Variants in ADHFE1 observed in about 807,000 individuals in gnomAD.
ADHFE1 encodes the protein alcohol dehydrogenase iron containing 1.
A neutral mutation model predicts 54.8 loss-of-function variants in ADHFE1; 37 were observed. That is an observed-to-expected ratio of 0.68 (90% confidence interval 0.52 to 0.89). The LOEUF is 0.89. ADHFE1 is among the 40% of genes least tolerant of loss of function. The pLI is 0.00. For synonymous variants in ADHFE1, 203 were observed against 229.3 expected, an observed-to-expected ratio of 0.89 and a Z score of 1.04; for missense variants, 601 against 591.2, an observed-to-expected ratio of 1.02 and a Z score of -0.17.
intron 12 of ADHFE1, among the ~76,000 whole-genome samples, chr8:66,457,489 A>T (rs1193504041): frequency 6.6e-6 from 1 of 151,702 alleles, no homozygotes; most frequent in Non-Finnish European, 1.5e-5. Context: ...CAAAAAAAAA[A>T]AAAAGAACCA....
At chr8:66,440,340 T>C (rs1190800631) in intron 2 of ADHFE1, 141 bp downstream of exon 2, 1 of 756,724 alleles carries the variant, frequency 1.3e-6, no homozygotes, top group Non-Finnish European at 2.2e-6. Flanking sequence ...CACTGTGAAA[T>C]TGATAACACG....
intron 10 of ADHFE1, among the ~76,000 whole-genome samples, chr8:66,454,774 C>T (rs1806486466): frequency 1.3e-5 from 2 of 151,556 alleles, no homozygotes; most frequent in Non-Finnish European, 2.9e-5. Flanking sequence ...AGTGCGATGG[C>T]GCAGTCTTGG....
At chr8:66,455,690 G>A (rs185243306) in intron 10 of ADHFE1, among the ~76,000 whole-genome samples, 59 of 152,348 alleles carry the variant, frequency 3.9e-4, no homozygotes, top group African/African-American at 1.4e-3. Context: ...CGAGTTGGAC[G>A]GATCCCTTGA....
chr8:66,440,067 C>T, intron 1 of ADHFE1, 95 bp from the exon 2 acceptor site: 1 of 1,178,464 alleles, frequency 8.5e-7, no homozygotes, highest in Non-Finnish European at 1.2e-6. Flanking sequence ...AGCATCTTAG[C>T]ACTAGACTGC....
Position 66,445,432 on chromosome 8 carries a change from CTTTG to C in ADHFE1, c.550+26_550+29del, listed in dbSNP as rs764579964. 21 of 1,582,346 alleles carry C rather than the reference CTTTG, an allele frequency of 1.3e-5. No individual in the cohort carries two copies. The highest frequency in any genetic ancestry group is 1.9e-4 in the Middle Eastern group (1 of 5,246). On this transcript the variant is annotated intron_variant, in intron 6 of 13. Coordinates refer to ENST00000396623, the MANE Select transcript of ADHFE1 (RefSeq NM_144650.3). ...GATTGCAGGTAAAGACTGTTTATTT[CTTTG>C]TTTGTTTTATTTTGCAATGAGCAAT... is the stretch of plus-strand genomic sequence containing the variant.
At chr8:66,445,083 A>C in intron 5 of ADHFE1, 135 bp from the exon 6 acceptor site, 2 of 854,364 alleles carry the variant, frequency 2.3e-6, no homozygotes, top group Non-Finnish European at 3.5e-6. Context: ...CCTGGGCAAC[A>C]GAATGAGACT....
At chr8:66,444,834 C>T in intron 5 of ADHFE1, 86 bp downstream of exon 5, 1 of 1,509,396 alleles carries the variant, frequency 6.6e-7, no homozygotes, top group Non-Finnish European at 9.1e-7. Context: ...GGCGTGGTGG[C>T]TCACGCCTGT....
chr8:66,468,272 A>G lies in ADHFE1; in HGVS notation c.1324A>G (p.Arg442Gly), dbSNP rs138461673. 511 of 1,610,928 alleles carry G rather than the reference A, an allele frequency of 3.2e-4. No homozygotes were observed. Among genetic ancestry groups the G allele is most frequent in the Admixed American group, 6.4e-4 (38 of 59,290 alleles). Residue 442 changes from arginine (R) to glycine (G), a missense_variant, in exon 14 of 14, where the codon AGG becomes GGG. By Grantham distance (125) the Arg-to-Gly change is moderately radical (BLOSUM62 -2). Coordinates refer to ENST00000396623, the MANE Select transcript of ADHFE1 (RefSeq NM_144650.3). ...CTTCTTTCATTTACTGTTTCAGGAA[A>G]GGGTCACCAAGCTTGCACCCTGTCC... Reference protein sequence around the residue: ...ALVKGTLPQERVTKLAPCPQS... With the variant: ...ALVKGTLPQEGVTKLAPCPQS...
intron 13 of ADHFE1, among the ~76,000 whole-genome samples, chr8:66,461,908 C>A (rs921386510): frequency 2.6e-5 from 4 of 152,042 alleles, no homozygotes; most frequent in Non-Finnish European, 4.4e-5. Flanking sequence ...TAGGAGAGAC[C>A]CTGGGCTAAC....
Position 66,460,463 on chromosome 8 carries a change from C to G in ADHFE1, c.1318C>G (p.Gln440Glu). Residue 440 changes from glutamine (Q) to glutamate (E), a missense_variant and splice_region_variant, in exon 13 of 14, where the codon CAG (glutamine) becomes GAG (glutamate). Physicochemically the swap from Gln to Glu is conservative, Grantham distance 29. Coordinates refer to ENST00000396623, the MANE Select transcript of ADHFE1 (RefSeq NM_144650.3). ...CGCACTAGTGAAAGGAACGCTGCCC[C>G]AGGTAAGAGACCGGCAGGCTCCTCA... ...IPALVKGTLP[Q>E]ERVTKLAPCP... 6.3e-7 allele frequency: 1 copy of G among 1,576,832 alleles called. No individual in the cohort carries two copies. The highest frequency in any genetic ancestry group is 1.1e-5 in the South Asian group (1 of 87,788).
chr8:66,448,937 G>A lies in ADHFE1; in HGVS notation c.701G>A (p.Arg234Gln), dbSNP rs766239380. ...CTGCACACCCTCCACATGCCTGCCC[G>A]AGTGGTCGCCAACAGTGGCTTTGAT... ...DPLHTLHMPA[R>Q]VVANSGFDVL... is the part of the protein sequence containing the mutation. Residue 234 changes from arginine to glutamine, a missense_variant, in exon 8 of 14, where the codon CGA becomes CAA. Arg to Gln is a conservative substitution (Grantham distance 43, BLOSUM62 1). Transcript: ENST00000396623. The A allele has an allele frequency of 1.5e-5, 25 of 1,614,132 alleles. No individual in the cohort carries two copies. Among genetic ancestry groups the A allele is most frequent in the Middle Eastern group, 3.3e-4 (2 of 6,062 alleles).
chr8:66,444,697 G>A lies in ADHFE1; in HGVS notation c.302G>A (p.Gly101Asp). The A allele has an allele frequency of 6.2e-7, 1 of 1,614,164 alleles. No individual in the cohort carries two copies. The change falls in exon 5 of 14, where the codon GGC becomes GAC. Residue 101 changes from glycine (G) to aspartate (D), a missense_variant. Physicochemically the swap from Gly to Asp is moderately conservative, Grantham distance 94. Coordinates refer to ENST00000396623, the MANE Select transcript of ADHFE1 (RefSeq NM_144650.3). Reference protein sequence around the residue: ...QVAMDSLVKNGIPFTVYDNVR... With the variant: ...QVAMDSLVKNDIPFTVYDNVR... ...GCTATGGATTCCCTAGTGAAGAATG[G>A]CATCCCCTTTACGGTTTATGATAAT... is the stretch of plus-strand genomic sequence containing the variant.
At chr8:66,442,753 C>CT in intron 2 of ADHFE1, 45 bp from the exon 3 acceptor site, 82 of 1,525,760 alleles carry the variant, frequency 5.4e-5, no homozygotes, top group Admixed American at 1.5e-4. Context: ...AACATTTATG[C>CT]TTTTTTTTAA....
Position 66,439,232 on chromosome 8 carries a change from C to T in ADHFE1, c.60-930C>T. On this transcript the variant is annotated intron_variant, in intron 1 of 13. Coordinates refer to ENST00000396623, the MANE Select transcript of ADHFE1 (RefSeq NM_144650.3). The surrounding 1 kb of genome is among the most constrained non-coding windows in gnomAD (Gnocchi z 4.4). ...ACCTTCCCCCTCGGGTGTTTTAATT[C>T]CAGATTTGAATTTTTGGCGGGGAGA... is the stretch of plus-strand genomic sequence containing the variant. The T allele has an allele frequency of 1.0e-6, 1 of 985,472 alleles. No individual in the cohort carries two copies. Among genetic ancestry groups the T allele is most frequent in the African/African-American group, 1.7e-5 (1 of 57,356 alleles). The allele number at this position is 985,472 out of a possible 1,614,324, so 61.0% of individuals were successfully genotyped here.
Position 66,460,389 on chromosome 8 carries a change from A to G in ADHFE1, c.1244A>G (p.Asp415Gly), listed in dbSNP as rs1368681846. 1.2e-6 allele frequency: 2 copies of G among 1,613,888 alleles called. No homozygotes were observed. Residue 415 changes from aspartate to glycine, a missense_variant, in exon 13 of 14, where the codon GAT becomes GGT. Asp to Gly is a moderately conservative substitution (Grantham distance 94, BLOSUM62 -1). Coordinates refer to ENST00000396623, the MANE Select transcript of ADHFE1 (RefSeq NM_144650.3). ...DTLRKFLFDL[D>G]VDDGLAAVGY... is the part of the protein sequence containing the mutation. ...CTCCGGAAATTCTTATTCGATCTGG[A>G]TGTTGATGATGGCCTAGCAGCTGTT...
chr8:66,436,880 G>GT (rs1805492162), intron 1 of ADHFE1, among the ~76,000 whole-genome samples: 1 of 152,202 alleles, frequency 6.6e-6, no homozygotes, highest in African/African-American at 2.4e-5. Flanking sequence ...ACTGAGTGGT[G>GT]CCCTGGAAGC....
intron 13 of ADHFE1, among the ~76,000 whole-genome samples, chr8:66,467,117 CAAGCTGGACAGGCGAGTG>C (rs1807231972): frequency 1.3e-5 from 2 of 152,246 alleles, no homozygotes; most frequent in African/African-American, 4.8e-5. Context: ...GGAAGCTTCT[CAAGCTGGACAGGCGAGTG>C]ATAGCAGTGT....
At chr8:66,434,027 G>T (rs1805338512) in intron 1 of ADHFE1, among the ~76,000 whole-genome samples, 1 of 152,240 alleles carries the variant, frequency 6.6e-6, no homozygotes, top group Non-Finnish European at 1.5e-5. Context: ...TGGTGGAAAT[G>T]TGGAGTGAAG....
At chr8:66,453,756 G>A (rs1185218653) in intron 9 of ADHFE1, 2 of 1,391,852 alleles carry the variant, frequency 1.4e-6, no homozygotes. Flanking sequence ...GAGTCTCAGG[G>A]CACCTTCCTG....
Sources: allele counts gnomAD v4.1 joint callset (sites outside exome capture counted in the v4.1 genomes callset), GRCh38; gene constraint gnomAD v4.1.1; non-coding constraint Gnocchi (gnomAD v3.1); transcripts MANE v1.5; gene names NCBI Gene and HGNC (gene_info 2026-07-23, HGNC 2026-07-21).